Variants in KLF16 observed in about 807,000 individuals in gnomAD.
The protein encoded by KLF16 is Krueppel-like factor 16.
Under a neutral mutation model 6.1 loss-of-function variants are expected in KLF16, and 6 were observed. That is an observed-to-expected ratio of 0.98 (90% CI 0.54 to 1.93). KLF16 has a LOEUF of 1.93. KLF16 is among the 30% of genes most tolerant of loss of function. KLF16 has a pLI of 0.01. For synonymous variants in KLF16, 211 were observed against 176.5 expected, an observed-to-expected ratio of 1.20 and a Z score of -1.55; for missense variants, 355 against 363.8, an observed-to-expected ratio of 0.98 and a Z score of 0.20.
chr19:1,874,309 T>C, the KLF16 span, among the ~76,000 whole-genome samples: 3,371 of 152,200 alleles, frequency 0.022, 126 homozygotes, highest in African/African-American at 0.077. Flanking sequence ...TCTGGAAAAC[T>C]GGGATAAGAG....
At chr19:1,868,938 C>T in the KLF16 span, among the ~76,000 whole-genome samples, 6 of 152,072 alleles carry the variant, frequency 3.9e-5, no homozygotes, top group East Asian at 1.9e-4. Flanking sequence ...CCACCGCACC[C>T]GGCCGATGAG....
chr19:1,863,190 G>T lies in KLF16; in HGVS notation c.308C>A (p.Ser103Tyr). 1.7e-6 allele frequency: 2 copies of T among 1,174,332 alleles called. No individual in the cohort carries two copies. Among genetic ancestry groups the T allele is most frequent in the African/African-American group, 1.7e-5 (1 of 60,322 alleles). The allele number at this position is 1,174,332 out of a possible 1,614,324, so 72.7% of individuals were successfully genotyped here. The change falls in exon 1 of 2, where the codon TCC becomes TAC. Residue 103 changes from serine (S) to tyrosine (Y), a missense_variant. Coordinates refer to ENST00000250916, the MANE Select transcript of KLF16 (RefSeq NM_031918.4). Reference sequence around the variant, plus strand: ...GGACGGGGACGAGGCGGCTGAGGAGGAGGAGGCGGGCGAGGCGCCCCCCGG... The same window carrying T: ...GGACGGGGACGAGGCGGCTGAGGAGTAGGAGGCGGGCGAGGCGCCCCCCGG... ...AAPGGASPAS[S>Y]SSAASSPSSG... is the part of the protein sequence containing the mutation.
the KLF16 span, among the ~76,000 whole-genome samples, chr19:1,871,802 C>T: frequency 2.0e-5 from 3 of 152,082 alleles, no homozygotes; most frequent in African/African-American, 7.2e-5. Context: ...AAGGAAGCCC[C>T]TGCGTGGGGT....
rs779337752 is a variant in KLF16, at chr19:1,854,544, G to A, written c.674C>T (p.Thr225Ile). The A allele has an allele frequency of 3.9e-6, 6 of 1,554,824 alleles. No homozygotes were observed. Among genetic ancestry groups the A allele is most frequent in the Middle Eastern group, 2.0e-4 (1 of 4,902 alleles). The change falls in exon 2 of 2, where the codon ACC becomes ATC. Residue 225 changes from threonine to isoleucine, a missense_variant. Transcript: ENST00000250916. ...GCAGGGCAGCGAGTCGCTGGGGGAG[G>A]TACTGCGGGCACCAGGGCGCCGGAG... The part of the protein sequence containing the change: ...DLLRRPGARS[T>I]SPSDSLPCSL...
chr19:1,854,928 C>T (rs553166694), intron 1 of KLF16, among the ~76,000 whole-genome samples, 168 bp from the exon 2 acceptor site: 70 of 146,240 alleles, frequency 4.8e-4, no homozygotes, highest in Middle Eastern at 3.4e-3. Flanking sequence ...ACAACCCTTA[C>T]CCGCCCCCCG....
the KLF16 span, among the ~76,000 whole-genome samples, chr19:1,870,638 A>G: frequency 6.6e-6 from 1 of 151,808 alleles, no homozygotes. Flanking sequence ...TCACACCACT[A>G]CACTCCAGCC....
chr19:1,855,810 C>T (rs2011938426), intron 1 of KLF16, among the ~76,000 whole-genome samples: 1 of 152,244 alleles, frequency 6.6e-6, no homozygotes, highest in Non-Finnish European at 1.5e-5. Context: ...CCTGCATCCC[C>T]GAAGCTCCCA....
chr19:1,874,834 A>C, the KLF16 span: 1 of 149,654 alleles, frequency 6.7e-6, no homozygotes, highest in East Asian at 2.0e-4. Context: ...CCTAGAAACC[A>C]CCACCATCCA....
rs747817227 is a variant in KLF16, at chr19:1,863,183, TGAGGAG to T, written c.309_314del (p.Ser104_Ser105del). Reference sequence around the variant, plus strand: ...GGCCCGAGGACGGGGACGAGGCGGCTGAGGAGGAGGAGGCGGGCGAGGCGCCCCCCG... The same window carrying T: ...GGCCCGAGGACGGGGACGAGGCGGCTGAGGAGGCGGGCGAGGCGCCCCCCG... On this transcript the variant is annotated inframe_deletion, in exon 1 of 2. Transcript: ENST00000250916. 1.7e-6 allele frequency: 2 copies of T among 1,196,798 alleles called. No homozygotes were observed. The highest frequency in any genetic ancestry group is 3.4e-5 in the African/African-American group (2 of 58,990). 74.1% of individuals were successfully genotyped at this position (1,196,798 alleles called of 1,614,324 possible).
At chr19:1,856,673 G>C (rs1197209330) in intron 1 of KLF16, among the ~76,000 whole-genome samples, 2 of 152,324 alleles carry the variant, frequency 1.3e-5, no homozygotes, top group Admixed American at 1.3e-4. Flanking sequence ...TCAACCACTG[G>C]GCCCTGACAG....
At chr19:1,869,759 G>A in the KLF16 span, among the ~76,000 whole-genome samples, 2 of 151,794 alleles carry the variant, frequency 1.3e-5, no homozygotes, top group Admixed American at 6.6e-5. Context: ...GGTGCACACC[G>A]CCACGCCCGG....
At chr19:1,865,601 A>C (rs1420558547), upstream of KLF16, among the ~76,000 whole-genome samples, 1 of 152,180 alleles carries the variant, frequency 6.6e-6, no homozygotes, top group Non-Finnish European at 1.5e-5. Flanking sequence ...CCCAGGCAGG[A>C]CCTTCACTGT....
Position 1,853,974 on chromosome 19 carries a change from T to G in KLF16, c.*485A>C, listed in dbSNP as rs2011890436. The stretch of plus-strand genomic sequence containing the variant: ...ATTTCCCTGAACTACTCCCATGGCT[T>G]TCGGTGGGGTGGGGGTGGGGTGGGG... On this transcript the variant is annotated 3_prime_UTR_variant, in exon 2 of 2. Transcript: ENST00000250916. 2 of 87,526 alleles carry G rather than the reference T, an allele frequency of 2.3e-5. No homozygotes were observed. The highest frequency in any genetic ancestry group is 2.7e-5 in the Non-Finnish European group (1 of 36,842). 5.4% of individuals were successfully genotyped at this position (87,526 alleles called of 1,614,324 possible). A position where few individuals can be genotyped will look rare whatever the true frequency, so the allele number is the denominator to read the frequency against.
At chr19:1,866,979 C>G (rs541097654), upstream of KLF16, among the ~76,000 whole-genome samples, 42 of 152,274 alleles carry the variant, frequency 2.8e-4, no homozygotes, top group Admixed American at 5.2e-4. Context: ...CCTGACAGCG[C>G]CCAAGAGGAT....
At chr19:1,863,981 C>T (rs1201007464), upstream of KLF16, among the ~76,000 whole-genome samples, 1 of 147,080 alleles carries the variant, frequency 6.8e-6, no homozygotes, top group Non-Finnish European at 1.5e-5. Flanking sequence ...GCACCACCCC[C>T]TCAAGCCGGG....
chr19:1,861,937 C>T (rs2012073298), intron 1 of KLF16: 1 of 152,344 alleles, frequency 6.6e-6, no homozygotes, highest in Admixed American at 6.5e-5. Flanking sequence ...CTTGGAGTGT[C>T]CAGCTGCCCA....
At position 1,854,579 on chromosome 19, in the gene KLF16, G is replaced by C; in HGVS notation, c.639C>G (p.His213Gln). Residue 213 changes from histidine to glutamine, a missense_variant, in exon 2 of 2, where the codon CAC becomes CAG. By Grantham distance (24) the His-to-Gln change is conservative. Transcript: ENST00000250916. ...AKHARRHPGF[H>Q]PDLLRRPGAR... is the part of the protein sequence containing the mutation. ...CACCAGGGCGCCGGAGCAGGTCCGG[G>C]TGGAAGCCGGGGTGGCGGCGGGCGT... The C allele has an allele frequency of 6.3e-7, 1 of 1,589,520 alleles. No homozygotes were observed. Among genetic ancestry groups the C allele is most frequent in the Non-Finnish European group, 8.5e-7 (1 of 1,175,036 alleles).
chr19:1,870,965 C>T, the KLF16 span, among the ~76,000 whole-genome samples: 7 of 152,304 alleles, frequency 4.6e-5, no homozygotes, highest in East Asian at 5.8e-4. Context: ...CACTGCACTC[C>T]GGCCTGGGCC....
the KLF16 span, among the ~76,000 whole-genome samples, chr19:1,872,203 T>G: frequency 6.6e-6 from 1 of 152,180 alleles, no homozygotes; most frequent in African/African-American, 2.4e-5. Flanking sequence ...CAATCTTGGC[T>G]CACTGCAACC....
Sources: allele counts gnomAD v4.1 joint callset (sites outside exome capture counted in the v4.1 genomes callset), GRCh38; gene constraint gnomAD v4.1.1; transcripts MANE v1.5; gene names NCBI Gene and HGNC (gene_info 2026-07-23, HGNC 2026-07-21).